The following ABI3BP variants were observed in gnomAD, a reference collection of about 807,000 sequenced individuals.
ABI3BP encodes the protein ABI family member 3 binding protein, also known as target of Nesh-SH3.
ABI3BP carries 216 observed loss-of-function variants against 268.6 expected under a neutral mutation model. The ratio of observed to expected loss-of-function variants is 0.80; its 90% CI spans 0.72 to 0.90. The LOEUF is 0.90. Ranked by LOEUF, ABI3BP falls within the 40% of genes least tolerant of loss-of-function variation. ABI3BP has a pLI of 0.00. For missense variants in ABI3BP, 2,090 were observed against 2,182.4 expected, an observed-to-expected ratio of 0.96 and a Z score of 0.84; for synonymous variants, 730 against 730.0, an observed-to-expected ratio of 1.00 and a Z score of 0.00.
At chr3:100,791,062 A>C (rs554834303) in intron 55 of ABI3BP, among the ~76,000 whole-genome samples, 49 of 152,014 alleles carry the variant, frequency 3.2e-4, no homozygotes, top group African/African-American at 1.1e-3. Context: ...TCACCAAACA[A>C]TATATGGCCT....
rs1168426736 is a variant in ABI3BP at position 100,749,342 on chromosome 3, A to AAAACT, written c.*1148_*1152dup. The AAAACT allele has an allele frequency of 1.2e-5, 2 of 163,038 alleles. No individual in the cohort carries two copies. The highest frequency in any genetic ancestry group is 2.2e-5 in the Non-Finnish European group (2 of 90,746). The allele number at this position is 163,038 out of a possible 1,614,324, so 10.1% of individuals were successfully genotyped here. Reference sequence around the variant, plus strand: ...ACAAACAAAAACTCAATCTTAAAAAAAAACTACATCTCTTTATTGCAGAAT... The same window carrying AAAACT: ...ACAAACAAAAACTCAATCTTAAAAAAAAACTAAACTACATCTCTTTATTGCAGAAT... On this transcript the variant is annotated 3_prime_UTR_variant, in exon 68 of 68. Coordinates refer to ENST00000471714, the MANE Select transcript of ABI3BP (RefSeq NM_001375547.2).
intron 59 of ABI3BP, among the ~76,000 whole-genome samples, chr3:100,777,819 T>C (rs955896799): frequency 6.6e-6 from 1 of 152,202 alleles, no homozygotes; most frequent in Non-Finnish European, 1.5e-5. Flanking sequence ...CTGAATATTT[T>C]AGTCCCAGAT....
intron 1 of ABI3BP, among the ~76,000 whole-genome samples, chr3:100,990,775 G>A (rs1163980455): frequency 1.3e-5 from 2 of 152,026 alleles, no homozygotes; most frequent in Admixed American, 1.3e-4. Flanking sequence ...TATCTGGCAG[G>A]AGGCAGGTTA....
intron 63 of ABI3BP, among the ~76,000 whole-genome samples, chr3:100,758,133 G>A (rs1352378800): frequency 6.6e-6 from 1 of 151,646 alleles, no homozygotes; most frequent in Non-Finnish European, 1.5e-5. Context: ...TCTTCCCCGC[G>A]CATCCCCATC....
At chr3:100,919,862 T>G (rs983609607) in intron 2 of ABI3BP, among the ~76,000 whole-genome samples, 13 of 152,162 alleles carry the variant, frequency 8.5e-5, no homozygotes, top group African/African-American at 3.1e-4. Flanking sequence ...ATATTTTTCT[T>G]TGGAGGCCAC....
chr3:100,830,516 G>T, intron 32 of ABI3BP, 62 bp downstream of exon 32: 2 of 1,383,650 alleles, frequency 1.4e-6, no homozygotes, highest in Non-Finnish European at 2.0e-6. Context: ...GGTTATGATG[G>T]TGATGAATGG....
chr3:100,800,394 T>C (rs1192671743), intron 51 of ABI3BP, among the ~76,000 whole-genome samples: 3 of 152,196 alleles, frequency 2.0e-5, no homozygotes, highest in African/African-American at 7.2e-5. Context: ...CCTTCAAACA[T>C]ATGAATCCAA....
intron 66 of ABI3BP, 91 bp downstream of exon 66, chr3:100,752,696 C>A (rs1308076297): frequency 8.4e-6 from 12 of 1,431,696 alleles, no homozygotes; most frequent in African/African-American, 1.4e-5. Context: ...CCATTCGTGC[C>A]TGAAACTCTT....
intron 6 of ABI3BP, among the ~76,000 whole-genome samples, chr3:100,883,655 C>T (rs1197555658): frequency 6.6e-6 from 1 of 151,990 alleles, no homozygotes; most frequent in Non-Finnish European, 1.5e-5. Flanking sequence ...GGTACTATAG[C>T]AACATAAACT....
chr3:100,837,290 A>G (rs976014913), intron 26 of ABI3BP, 119 bp from the exon 27 acceptor site: 3 of 709,320 alleles, frequency 4.2e-6, no homozygotes, highest in Non-Finnish European at 6.4e-6. Context: ...ATTAATATAA[A>G]TTGCCTTCTT....
intron 1 of ABI3BP, among the ~76,000 whole-genome samples, chr3:100,980,898 A>G (rs2089042855): frequency 6.6e-6 from 1 of 152,250 alleles, no homozygotes; most frequent in Non-Finnish European, 1.5e-5. Context: ...ATTCTCTGCA[A>G]GTTCTTCAAA....
chr3:100,828,992 T>G (rs1386731738), intron 33 of ABI3BP, among the ~76,000 whole-genome samples: 1 of 152,098 alleles, frequency 6.6e-6, no homozygotes, highest in Non-Finnish European at 1.5e-5. Flanking sequence ...AATGTTCTGA[T>G]CAACACCTAG....
At chr3:100,897,972 AT>A (rs2048491881) in intron 4 of ABI3BP, among the ~76,000 whole-genome samples, 1 of 152,222 alleles carries the variant, frequency 6.6e-6, no homozygotes, top group Non-Finnish European at 1.5e-5. Context: ...AGCAAACATC[AT>A]TTTATAACCA....
intron 4 of ABI3BP, among the ~76,000 whole-genome samples, chr3:100,889,952 T>C (rs959393896): frequency 2.4e-4 from 37 of 152,150 alleles, no homozygotes; most frequent in African/African-American, 8.4e-4. Context: ...TGGACTCCAC[T>C]ATCTTTTAGA....
At chr3:100,849,982 C>A in intron 17 of ABI3BP, 63 bp downstream of exon 17, 1 of 1,400,756 alleles carries the variant, frequency 7.1e-7, no homozygotes, top group African/African-American at 1.4e-5. Flanking sequence ...AAATGGCCAA[C>A]ATGACTTCTC....
intron 15 of ABI3BP, among the ~76,000 whole-genome samples, chr3:100,850,953 AG>A (rs926794544): frequency 5.9e-5 from 9 of 152,222 alleles, no homozygotes; most frequent in Admixed American, 1.3e-4. Flanking sequence ...ATGATTAAAC[AG>A]TGTTTTATAC....
chr3:100,965,219 G>A (rs1430645394), intron 1 of ABI3BP, among the ~76,000 whole-genome samples: 1 of 152,072 alleles, frequency 6.6e-6, no homozygotes, highest in Non-Finnish European at 1.5e-5. Context: ...ATCCACATGA[G>A]GGGCCATGAC....
At chr3:100,753,913 G>A in intron 64 of ABI3BP, 65 bp from the exon 65 acceptor site, 3 of 1,500,134 alleles carry the variant, frequency 2.0e-6, no homozygotes, top group African/African-American at 1.4e-5. Context: ...CAGTGGCATG[G>A]TGAAGATGAT....
At chr3:100,956,393 C>T (rs560849106) in intron 1 of ABI3BP, among the ~76,000 whole-genome samples, 1 of 152,132 alleles carries the variant, frequency 6.6e-6, no homozygotes, top group East Asian at 1.9e-4. Context: ...CTAATTCTCA[C>T]CAGTAGGTTG....
Sources: allele counts gnomAD v4.1 joint callset (sites outside exome capture counted in the v4.1 genomes callset), GRCh38; gene constraint gnomAD v4.1.1; transcripts MANE v1.5; gene names NCBI Gene and HGNC (gene_info 2026-07-23, HGNC 2026-07-21).